ANGPTL2: variants seen among roughly 807,000 people sequenced by gnomAD.
ANGPTL2 encodes angiopoietin like 2, also known as angiopoietin-related protein 2.
In ANGPTL2, 25 loss-of-function variants were observed where a neutral mutation model predicts 52.8. The observed-to-expected ratio is 0.47, with a 90% CI of 0.35 to 0.66. The LOEUF is 0.66. Ranked by LOEUF, ANGPTL2 falls within the 30% of genes least tolerant of loss-of-function variation. ANGPTL2 has a pLI of 0.01. For missense variants in ANGPTL2, 546 were observed against 656.9 expected, an observed-to-expected ratio of 0.83 and a Z score of 1.84; for synonymous variants, 276 against 277.4, an observed-to-expected ratio of 1.00 and a Z score of 0.05.
At chr9:127,113,539 TGAA>T (rs1303840454) in intron 1 of ANGPTL2, among the ~76,000 whole-genome samples, 1 of 128,614 alleles carries the variant, frequency 7.8e-6, no homozygotes, top group Non-Finnish European at 1.6e-5. Context: ...ATCTTAGGAC[TGAA>T]GAAGAACTCA....
chr9:127,106,736 A>G (rs537441308), intron 2 of ANGPTL2, among the ~76,000 whole-genome samples: 6 of 152,318 alleles, frequency 3.9e-5, no homozygotes, highest in South Asian at 4.1e-4. Flanking sequence ...TCTGAAAACA[A>G]TGCTGCCCTT....
At chr9:127,105,667 T>A (rs1026106307) in intron 2 of ANGPTL2, among the ~76,000 whole-genome samples, 1 of 152,194 alleles carries the variant, frequency 6.6e-6, no homozygotes. Context: ...GCATTCCTGA[T>A]TTTAGAAATT....
At chr9:127,118,116 G>A (rs993850453) in intron 1 of ANGPTL2, among the ~76,000 whole-genome samples, 1 of 152,070 alleles carries the variant, frequency 6.6e-6, no homozygotes, top group African/African-American at 2.4e-5. Flanking sequence ...GTGCAGTGGC[G>A]CGATCTCAGC....
rs919697932 is a variant in ANGPTL2, at chr9:127,095,887, G to A, written c.818-1961C>T. 8.5e-5 allele frequency among the ~76,000 whole-genome samples: 13 copies of A among 152,296 alleles called. No individual in the cohort carries two copies. The South Asian group carries it at 1.2e-3, about 15-fold the overall frequency. On this transcript the variant is annotated intron_variant, in intron 2 of 4. Coordinates refer to ENST00000373425, the MANE Select transcript of ANGPTL2 (RefSeq NM_012098.3). ...AGCATTCATCCACCTAGAACCTGAC[G>A]GGAAGGCAGGGGCTGTCTTGCTCAT... is the stretch of plus-strand genomic sequence containing the variant.
Position 127,090,990 on chromosome 9 carries a change from G to T in ANGPTL2, c.1282+680C>A, listed in dbSNP as rs189660273. 2.7e-3 allele frequency among the ~76,000 whole-genome samples: 416 copies of T among 152,276 alleles called. 2 individuals are homozygous for T. Among genetic ancestry groups the T allele is most frequent in the African/African-American group, 9.6e-3 (397 of 41,542 alleles). ...GTAAAGACCTAGATTTGAAGCATGT[G>T]ATCTTAGACAAATCACTTTCTCTCT... On this transcript the variant is annotated intron_variant, in intron 4 of 4. Transcript: ENST00000373425.
rs2054481035 is a variant in ANGPTL2 at position 127,108,513 on chromosome 9, G to A, written c.219C>T (p.Ser73=). Residue 73 remains serine (S), a synonymous_variant, in exon 2 of 5, where the codon TCC becomes TCT. Coordinates refer to ENST00000373425, the MANE Select transcript of ANGPTL2 (RefSeq NM_012098.3). ...TCTCCAGAAGCACCTCAGGCTCCTT[G>A]GAGTTGACGCAGATGGCACCCGTGA... ...QRVTGAICVN[S]KEPEVLLENR... is the part of the protein sequence containing the mutation. 5 of 1,612,856 alleles carry A rather than the reference G, an allele frequency of 3.1e-6. No homozygotes were observed. Among genetic ancestry groups the A allele is most frequent in the African/African-American group, 1.3e-5 (1 of 74,468 alleles).
chr9:127,088,627 T>C lies in ANGPTL2; in HGVS notation c.*312A>G. 2.4e-6 allele frequency: 1 copy of C among 412,676 alleles called. No individual in the cohort carries two copies. The highest frequency in any genetic ancestry group is 2.0e-5 in the African/African-American group (1 of 49,976). 25.6% of individuals were successfully genotyped at this position (412,676 alleles called of 1,614,324 possible). Reference sequence around the variant, plus strand: ...CACAAGGGAGGCTCATACACATGTATATTATGAAGGTACTTTGCAGTTGTG... The same window carrying C: ...CACAAGGGAGGCTCATACACATGTACATTATGAAGGTACTTTGCAGTTGTG... On this transcript the variant is annotated 3_prime_UTR_variant, in exon 5 of 5. Coordinates refer to ENST00000373425, the MANE Select transcript of ANGPTL2 (RefSeq NM_012098.3).
rs748835465 is a variant in ANGPTL2, at chr9:127,089,045, C to T, written c.1376G>A (p.Arg459Gln). 3.1e-6 allele frequency: 5 copies of T among 1,614,216 alleles called. No individual in the cohort carries two copies. The highest frequency in any genetic ancestry group is 4.2e-6 in the Non-Finnish European group (5 of 1,180,040). ...GTAGACTCCGTCCTGGTAGCGGCTC[C>T]GGTAATGGCCCCCGCGGTACCAGAC... Reference protein sequence around the residue: ...NGVWYRGGHYRSRYQDGVYWA... With the variant: ...NGVWYRGGHYQSRYQDGVYWA... The change falls in exon 5 of 5, where the codon CGG becomes CAG. Residue 459 changes from arginine (R) to glutamine (Q), a missense_variant. Around this residue, in one of 2 missense-constraint regions of ANGPTL2, gnomAD observed 261 missense variants for 361.0 expected, o/e 0.72. Transcript: ENST00000373425.
At chr9:127,117,556 A>G (rs764997386) in intron 1 of ANGPTL2, among the ~76,000 whole-genome samples, 2 of 152,226 alleles carry the variant, frequency 1.3e-5, no homozygotes, top group Non-Finnish European at 2.9e-5. Context: ...AAAGAGATCC[A>G]TGCCCAGATA....
chr9:127,100,368 T>G (rs2053593594), intron 2 of ANGPTL2, among the ~76,000 whole-genome samples: 1 of 152,206 alleles, frequency 6.6e-6, no homozygotes, highest in Non-Finnish European at 1.5e-5. Context: ...CTGTTTCTGC[T>G]CATTTGACCT....
rs201834103 is a variant in ANGPTL2 at position 127,106,365 on chromosome 9, TA to T, written c.817+1549del. ...ACGTGTACAGATGGAACGCCAGAGC[TA>T]AAAAAGGGACTGTTTATTTCAGTCT... On this transcript the variant is annotated intron_variant, in intron 2 of 4. Transcript: ENST00000373425. Among the ~76,000 whole-genome samples the T allele has an allele frequency of 3.9e-3, 590 of 152,270 alleles. 5 individuals carry two copies. The highest frequency in any genetic ancestry group is 0.013 in the African/African-American group (558 of 41,566).
chr9:127,094,506 G>T (rs1296662750), intron 2 of ANGPTL2, among the ~76,000 whole-genome samples: 1 of 152,260 alleles, frequency 6.6e-6, no homozygotes, highest in Non-Finnish European at 1.5e-5. Flanking sequence ...GATGACTGCT[G>T]CAGCTTTTAC....
Position 127,108,500 on chromosome 9 carries a change from C to G in ANGPTL2, c.232G>C (p.Val78Leu). 1.2e-6 allele frequency: 2 copies of G among 1,612,872 alleles called. No individual in the cohort carries two copies. The highest frequency in any genetic ancestry group is 2.2e-5 in the South Asian group (2 of 90,934). ...AICVNSKEPE[V>L]LLENRVHKQE... ...TTATGCACTCGGTTCTCCAGAAGCACCTCAGGCTCCTTGGAGTTGACGCAG... is the reference window on the plus strand; with the variant it reads ...TTATGCACTCGGTTCTCCAGAAGCAGCTCAGGCTCCTTGGAGTTGACGCAG... The change falls in exon 2 of 5, where the codon GTG becomes CTG. Residue 78 changes from valine (V) to leucine (L), a missense_variant. By Grantham distance (32) the Val-to-Leu change is conservative. Around this residue, in one of 2 missense-constraint regions of ANGPTL2, gnomAD observed 285 missense variants for 295.8 expected, o/e 0.96. Transcript: ENST00000373425.
intron 1 of ANGPTL2, among the ~76,000 whole-genome samples, chr9:127,117,887 A>G (rs2055602800): frequency 6.6e-6 from 1 of 152,186 alleles, no homozygotes; most frequent in African/African-American, 2.4e-5. Flanking sequence ...ATAAGAACAG[A>G]GTCCATTCTG....
intron 2 of ANGPTL2, among the ~76,000 whole-genome samples, chr9:127,096,459 AC>A (rs2053153761): frequency 6.6e-6 from 1 of 152,138 alleles, no homozygotes; most frequent in South Asian, 2.1e-4. Flanking sequence ...AGCTGCCAGG[AC>A]TGCTGCAGAA....
At chr9:127,106,633 C>T (rs1427820586) in intron 2 of ANGPTL2, among the ~76,000 whole-genome samples, 1 of 152,182 alleles carries the variant, frequency 6.6e-6, no homozygotes, top group East Asian at 1.9e-4. Context: ...TACTCCAAAG[C>T]GCCTGCTCTC....
chr9:127,098,891 T>C (rs896959365), intron 2 of ANGPTL2, among the ~76,000 whole-genome samples: 1 of 152,220 alleles, frequency 6.6e-6, no homozygotes, highest in Non-Finnish European at 1.5e-5. Flanking sequence ...TCAGCCTGAT[T>C]TACCCGTCCA....
rs999851745 is a variant in ANGPTL2, at chr9:127,091,511, A to G, written c.1282+159T>C. 1.6e-4 allele frequency among the ~76,000 whole-genome samples: 25 copies of G among 152,076 alleles called. No homozygotes were observed. The highest frequency in any genetic ancestry group is 5.8e-4 in the African/African-American group (24 of 41,474). On this transcript the variant is annotated intron_variant, in intron 4 of 4. Transcript: ENST00000373425. The surrounding 1 kb of genome is among the most constrained non-coding windows in gnomAD (Gnocchi z 4.3). ...TTTGTGAAGGGGACCTGTGGGCAGG[A>G]GAAGGGACCCTCAGGGGGTGGTAAC...
At chr9:127,112,429 C>T (rs1457376614) in intron 1 of ANGPTL2, among the ~76,000 whole-genome samples, 2 of 152,222 alleles carry the variant, frequency 1.3e-5, no homozygotes, top group Non-Finnish European at 2.9e-5. Flanking sequence ...CCTCTCTGTG[C>T]CCATGTGGGC....
Sources: allele counts gnomAD v4.1 joint callset (sites outside exome capture counted in the v4.1 genomes callset), GRCh38; gene constraint gnomAD v4.1.1; regional missense constraint gnomAD v4.1.1; non-coding constraint Gnocchi (gnomAD v3.1); transcripts MANE v1.5; gene names NCBI Gene and HGNC (gene_info 2026-07-23, HGNC 2026-07-21).